The following NOS1AP variants were observed in gnomAD, a reference collection of about 807,000 sequenced individuals.
NOS1AP encodes carboxyl-terminal PDZ ligand of neuronal nitric oxide synthase protein.
Under a neutral mutation model 56.2 loss-of-function variants are expected in NOS1AP, and 21 were observed. The observed-to-expected ratio is 0.37, with a 90% CI of 0.26 to 0.54. The LOEUF (loss-of-function observed/expected upper bound fraction) is 0.54, where lower values mean the gene tolerates loss of function less well. NOS1AP is among the 20% of genes least tolerant of loss of function. The probability of loss-of-function intolerance (pLI) is 0.84; values close to 1 mark genes in which losing one functional copy is unlikely to be tolerated. For synonymous variants in NOS1AP, 270 were observed against 274.6 expected, an observed-to-expected ratio of 0.98 and a Z score of 0.17; for missense variants, 522 against 657.8, an observed-to-expected ratio of 0.79 and a Z score of 2.26.
At chr1:162,304,718 G>T (rs1655764521) in intron 4 of NOS1AP, among the ~76,000 whole-genome samples, 3 of 149,286 alleles carry the variant, frequency 2.0e-5, no homozygotes, top group Admixed American at 6.7e-5. Flanking sequence ...CGGTGTCCTG[G>T]GTACTTTTTT....
At chr1:162,226,048 C>T (rs1292829302) in intron 2 of NOS1AP, among the ~76,000 whole-genome samples, 1 of 151,674 alleles carries the variant, frequency 6.6e-6, no homozygotes, top group Non-Finnish European at 1.5e-5. Flanking sequence ...AATCCCAGCA[C>T]TTTGTGGGGC....
chr1:162,215,212 C>T (rs1652523756), intron 2 of NOS1AP, among the ~76,000 whole-genome samples: 1 of 152,218 alleles, frequency 6.6e-6, no homozygotes, highest in African/African-American at 2.4e-5. Context: ...GCACCCCTAG[C>T]CTCGGGGCCC....
At chr1:162,103,846 T>C (rs1338861157) in intron 1 of NOS1AP, among the ~76,000 whole-genome samples, 2 of 152,220 alleles carry the variant, frequency 1.3e-5, no homozygotes, top group African/African-American at 4.8e-5. Flanking sequence ...ATACCAATGG[T>C]TGGCTCTTCA....
At chr1:162,079,402 T>C (rs1458280026) in intron 1 of NOS1AP, among the ~76,000 whole-genome samples, 3 of 152,208 alleles carry the variant, frequency 2.0e-5, no homozygotes, top group African/African-American at 4.8e-5. Context: ...CTTTTTTTTT[T>C]CCTAATTCAT....
At chr1:162,228,986 T>G (rs1166553885) in intron 2 of NOS1AP, among the ~76,000 whole-genome samples, 1 of 152,204 alleles carries the variant, frequency 6.6e-6, no homozygotes, top group African/African-American at 2.4e-5. Flanking sequence ...ATGGAGAAAT[T>G]TGCCAGAGAA....
chr1:162,245,772 T>G (rs1653642172), intron 2 of NOS1AP, among the ~76,000 whole-genome samples: 1 of 152,248 alleles, frequency 6.6e-6, no homozygotes, highest in Non-Finnish European at 1.5e-5. Flanking sequence ...TGGCTTGATT[T>G]CTGGGTGTGT....
chr1:162,321,727 A>T (rs201627786), intron 4 of NOS1AP, among the ~76,000 whole-genome samples: 3,256 of 130,412 alleles, frequency 0.025, 44 homozygotes, highest in Admixed American at 0.05. Flanking sequence ...ATTAAAAAAA[A>T]AAAAATATAT....
intron 1 of NOS1AP, among the ~76,000 whole-genome samples, chr1:162,144,120 C>T (rs1431581764): frequency 6.6e-6 from 1 of 152,204 alleles, no homozygotes; most frequent in Non-Finnish European, 1.5e-5. Context: ...AGTCTTGGTG[C>T]CCCACCATTT....
At chr1:162,217,322 G>A (rs998673284) in intron 2 of NOS1AP, among the ~76,000 whole-genome samples, 6 of 118,840 alleles carry the variant, frequency 5.0e-5, no homozygotes, top group Admixed American at 1.1e-4. Flanking sequence ...GGAGTGCAAT[G>A]GCACGATCTC....
intron 4 of NOS1AP, among the ~76,000 whole-genome samples, chr1:162,309,265 G>C (rs973732074): frequency 6.6e-6 from 1 of 152,142 alleles, no homozygotes; most frequent in Non-Finnish European, 1.5e-5. Context: ...TGAGATTCAG[G>C]AACCATATCA....
chr1:162,328,969 C>T lies in NOS1AP; in HGVS notation c.345-4048C>T, dbSNP rs1208131790. 2.6e-5 allele frequency among the ~76,000 whole-genome samples: 4 copies of T among 152,104 alleles called. No homozygotes were observed. In the East Asian group the frequency reaches 7.7e-4, roughly 29 times the overall value. On this transcript the variant is annotated intron_variant, in intron 4 of 9. Coordinates refer to ENST00000361897, the MANE Select transcript of NOS1AP (RefSeq NM_014697.3). ...TGTTTTTCTATGATCTTAAGAGAAG[C>T]GAGTTTACCTATAGATGAATAGTTT... is the stretch of plus-strand genomic sequence containing the variant.
chr1:162,355,462 C>CCGCCACTGTGCCATGG, intron 7 of NOS1AP, 109 bp downstream of exon 7: 1 of 1,375,330 alleles, frequency 7.3e-7, no homozygotes. Context: ...CTCCATGGCA[C>CCGCCACTGTGCCATGG]AGTGGCGGTG....
chr1:162,364,084 G>A (rs1231526041), intron 8 of NOS1AP: 1 of 985,338 alleles, frequency 1.0e-6, no homozygotes, highest in East Asian at 1.1e-4. Context: ...CAACTGTGAG[G>A]TAGCACTGCC....
chr1:162,241,979 A>G (rs886414619), intron 2 of NOS1AP, among the ~76,000 whole-genome samples: 3 of 152,228 alleles, frequency 2.0e-5, no homozygotes, highest in Non-Finnish European at 4.4e-5. Flanking sequence ...CACTGTAACA[A>G]TGAAAGAAAA....
Position 162,368,164 on chromosome 1 carries a change from C to T in NOS1AP, c.*697C>T, listed in dbSNP as rs957816278. 6.6e-6 allele frequency: 1 copy of T among 152,188 alleles called. No homozygotes were observed. Among genetic ancestry groups the T allele is most frequent in the African/African-American group, 2.4e-5 (1 of 41,372 alleles). 9.4% of individuals were successfully genotyped at this position (152,188 alleles called of 1,614,324 possible). The stretch of plus-strand genomic sequence containing the variant: ...CTTGAAGCTTTAACATGGTTCAGGC[C>T]CTTGGTGTGAGAGCCCAGGGGGAGG... On this transcript the variant is annotated 3_prime_UTR_variant, in exon 10 of 10. Coordinates refer to ENST00000361897, the MANE Select transcript of NOS1AP (RefSeq NM_014697.3).
At chr1:162,206,500 G>C (rs1053173592) in intron 2 of NOS1AP, among the ~76,000 whole-genome samples, 12 of 152,226 alleles carry the variant, frequency 7.9e-5, no homozygotes, top group African/African-American at 2.7e-4. Flanking sequence ...AGCTGTGATA[G>C]AGACAGTCTG....
chr1:162,174,882 T>G (rs989692941), intron 2 of NOS1AP, among the ~76,000 whole-genome samples: 3 of 152,232 alleles, frequency 2.0e-5, no homozygotes, highest in African/African-American at 7.2e-5. Context: ...AGATTTTTGG[T>G]GATCTTGACA....
intron 2 of NOS1AP, among the ~76,000 whole-genome samples, chr1:162,264,795 C>T (rs1479451778): frequency 7.0e-6 from 1 of 142,036 alleles, no homozygotes; most frequent in Non-Finnish European, 1.5e-5. Flanking sequence ...CCAAAGTGTG[C>T]GTGAGCCACC....
At chr1:162,186,624 G>A (rs1651441930) in intron 2 of NOS1AP, among the ~76,000 whole-genome samples, 1 of 152,156 alleles carries the variant, frequency 6.6e-6, no homozygotes, top group Non-Finnish European at 1.5e-5. Context: ...GATGGGATTA[G>A]TGTCCTTAGA....
Sources: gnomAD v4.1 joint callset for allele counts (sites outside exome capture counted in the v4.1 genomes callset) on GRCh38, gnomAD v4.1.1 for gene constraint, MANE v1.5 for transcripts, NCBI Gene and HGNC (gene_info 2026-07-23, HGNC 2026-07-21) for gene names.